PDE4D: variants seen among roughly 807,000 people sequenced by gnomAD.
PDE4D encodes 3',5'-cyclic-AMP phosphodiesterase 4D.
A neutral mutation model predicts 87.4 loss-of-function variants in PDE4D; 24 were observed. The observed-to-expected ratio is 0.27, with a 90% CI of 0.20 to 0.39. The LOEUF (loss-of-function observed/expected upper bound fraction) is 0.39. PDE4D is among the 10% of genes least tolerant of loss of function. The probability of loss-of-function intolerance (pLI) is 1.00; values close to 1 mark genes in which losing one functional copy is unlikely to be tolerated. For missense variants in PDE4D, 714 were observed against 1,041.0 expected, an observed-to-expected ratio of 0.69 and a Z score of 4.32; for synonymous variants, 384 against 383.2, an observed-to-expected ratio of 1.00 and a Z score of -0.02.
At chr5:60,436,499 A>G (rs1234163770) in intron 1 of PDE4D, among the ~76,000 whole-genome samples, 2 of 152,218 alleles carry the variant, frequency 1.3e-5, no homozygotes, top group African/African-American at 2.4e-5. Context: ...TTAAAAATTA[A>G]TAGTAAGCCA....
intron 2 of PDE4D, among the ~76,000 whole-genome samples, chr5:60,063,072 TAAAG>T (rs1201606313): frequency 1.0e-5 from 1 of 96,772 alleles, no homozygotes; most frequent in East Asian, 2.8e-4. Context: ...TCCCAAAACT[TAAAG>T]AAGAAAGAAA....
intron 5 of PDE4D, among the ~76,000 whole-genome samples, chr5:59,147,177 G>T (rs1242452016): frequency 6.6e-6 from 1 of 152,152 alleles, no homozygotes; most frequent in Non-Finnish European, 1.5e-5. Context: ...GTGCCAAAAA[G>T]GTTGGGGACC....
chr5:60,199,159 G>A lies in PDE4D; in HGVS notation c.-89-13472C>T, dbSNP rs532760598. On this transcript the variant is annotated intron_variant, in intron 1 of 16. Coordinates refer to the PDE4D transcript ENST00000502484. ...AATGAACCCATCACTTTTCCAGCAA[G>A]ATGTGAATTGTGACACCAACTCTTA... 3.0e-4 allele frequency among the ~76,000 whole-genome samples: 46 copies of A among 151,850 alleles called. 1 individual carries two copies. The highest frequency in any genetic ancestry group is 1.1e-3 in the African/African-American group (46 of 41,524).
chr5:59,526,652 C>T (rs1249076357), intron 1 of PDE4D, among the ~76,000 whole-genome samples: 2 of 152,096 alleles, frequency 1.3e-5, no homozygotes, highest in Admixed American at 1.3e-4. Context: ...GAGACAGGGT[C>T]TTGTTCTATC....
chr5:59,018,409 C>T (rs1754462026), intron 6 of PDE4D, among the ~76,000 whole-genome samples: 1 of 152,202 alleles, frequency 6.6e-6, no homozygotes, highest in Admixed American at 6.5e-5. Flanking sequence ...GTGAATGTAG[C>T]TTTAGTACAT....
intron 5 of PDE4D, among the ~76,000 whole-genome samples, chr5:59,154,288 G>GA (rs1469340103): frequency 6.6e-6 from 1 of 152,154 alleles, no homozygotes; most frequent in Non-Finnish European, 1.5e-5. Flanking sequence ...ATTATAGTAA[G>GA]AAATACATTT....
At chr5:59,314,458 C>T (rs985259382) in intron 1 of PDE4D, 2 of 152,146 alleles carry the variant, frequency 1.3e-5, no homozygotes, top group Admixed American at 1.3e-4. Context: ...AACCTCTCTA[C>T]ACAAATTGGA....
At chr5:60,351,339 G>A (rs1759173838) in intron 1 of PDE4D, among the ~76,000 whole-genome samples, 1 of 152,064 alleles carries the variant, frequency 6.6e-6, no homozygotes, top group African/African-American at 2.4e-5. Context: ...ATTTCTGCTT[G>A]GCCAAATAGC....
chr5:60,479,136 A>T (rs1561300747), intron 1 of PDE4D, among the ~76,000 whole-genome samples: 1 of 152,080 alleles, frequency 6.6e-6, no homozygotes. Flanking sequence ...TATGCTTCTG[A>T]ATCTTACAGC....
chr5:60,126,930 C>T (rs1779168477), intron 2 of PDE4D, among the ~76,000 whole-genome samples: 1 of 152,166 alleles, frequency 6.6e-6, no homozygotes, highest in Admixed American at 6.5e-5. Context: ...TACATTTACT[C>T]ATATCTGATA....
intron 6 of PDE4D, among the ~76,000 whole-genome samples, chr5:59,031,702 C>T (rs1379671602): frequency 9.7e-6 from 1 of 103,054 alleles, no homozygotes; most frequent in Non-Finnish European, 1.9e-5. Context: ...AGCGAGACTC[C>T]ACCTCAAAAA....
At chr5:59,507,787 A>G (rs983398429) in intron 1 of PDE4D, among the ~76,000 whole-genome samples, 2 of 152,096 alleles carry the variant, frequency 1.3e-5, no homozygotes, top group African/African-American at 4.8e-5. Flanking sequence ...TATGAATATT[A>G]TCTTAGAAAT....
intron 1 of PDE4D, among the ~76,000 whole-genome samples, chr5:59,375,003 C>T (rs963548987): frequency 2.0e-5 from 3 of 152,152 alleles, no homozygotes; most frequent in African/African-American, 7.2e-5. Flanking sequence ...AAAGATACAA[C>T]ATACCAGAAC....
At chr5:59,573,890 C>T (rs1448950668) in intron 1 of PDE4D, among the ~76,000 whole-genome samples, 11 of 149,020 alleles carry the variant, frequency 7.4e-5, no homozygotes, top group East Asian at 4.0e-4. Flanking sequence ...CCCAGCAACT[C>T]GGGAGGCTGA....
At chr5:59,774,694 T>TTC (rs1464908039) in intron 1 of PDE4D, among the ~76,000 whole-genome samples, 8 of 151,394 alleles carry the variant, frequency 5.3e-5, no homozygotes, top group Non-Finnish European at 8.8e-5. Flanking sequence ...TTTTTCTTTT[T>TTC]TTTTTTTTTC....
intron 2 of PDE4D, among the ~76,000 whole-genome samples, chr5:60,010,600 G>C (rs1764928372): frequency 6.6e-6 from 1 of 152,018 alleles, no homozygotes; most frequent in Non-Finnish European, 1.5e-5. Context: ...TTGGCCACAG[G>C]CTTTGTGTTC....
In PDE4D at chr5:59,195,836, T is replaced by C. The variant is rs576636375; in HGVS notation, c.648-2300A>G. Among the ~76,000 whole-genome samples the C allele has an allele frequency of 2.6e-5, 4 of 152,330 alleles. No individual in the cohort carries two copies. In the South Asian group the frequency reaches 8.3e-4, roughly 32 times the overall value. ...AGCAGCAGTAGTAAAACCTTTTAAA[T>C]CATAATGATTTTTGCTTTCCTATGC... On this transcript the variant is annotated intron_variant, in intron 2 of 14. Coordinates refer to ENST00000340635, the MANE Select transcript of PDE4D (RefSeq NM_001104631.2).
At chr5:60,465,593 T>C (rs753334462) in intron 1 of PDE4D, among the ~76,000 whole-genome samples, 16 of 152,274 alleles carry the variant, frequency 1.1e-4, no homozygotes, top group African/African-American at 1.9e-4. Context: ...GTGGGAAATA[T>C]TGAAGTTACT....
intron 1 of PDE4D, among the ~76,000 whole-genome samples, chr5:59,475,314 A>C (rs796281531): frequency 1.3e-5 from 2 of 152,226 alleles, no homozygotes; most frequent in African/African-American, 4.8e-5. Context: ...AGCTTTATTC[A>C]GATTCTCAAA....
Sources: gnomAD v4.1 joint callset for allele counts (sites outside exome capture counted in the v4.1 genomes callset) on GRCh38, gnomAD v4.1.1 for gene constraint, MANE v1.5 for transcripts, NCBI Gene and HGNC (gene_info 2026-07-23, HGNC 2026-07-21) for gene names.